Variants in MIGA2 observed in about 807,000 individuals in gnomAD.
The protein encoded by MIGA2 is mitoguardin 2, also known as family with sequence similarity 73, member B.
In MIGA2, 36 loss-of-function variants were observed where a neutral mutation model predicts 69.9. The ratio of observed to expected loss-of-function variants is 0.52; its 90% confidence interval spans 0.39 to 0.68. MIGA2 has a LOEUF of 0.68. MIGA2 is among the 30% of genes least tolerant of loss of function. MIGA2 has a pLI of 0.00. For missense variants in MIGA2, 660 were observed against 787.7 expected, an observed-to-expected ratio of 0.84 and a Z score of 1.94; for synonymous variants, 333 against 349.2, an observed-to-expected ratio of 0.95 and a Z score of 0.52.
rs561727914 is a variant in MIGA2, at chr9:129,056,708, G to A, written c.676-2446G>A. On this transcript the variant is annotated intron_variant, in intron 6 of 15. Coordinates refer to ENST00000684074, the MANE Select transcript of MIGA2 (RefSeq NM_001329990.2). ...TAATTTTTGTGTTTTTAGTAGAGAC[G>A]GGTTTTCACCAAGTAGACCAGGCTG... 3.3e-5 allele frequency among the ~76,000 whole-genome samples: 5 copies of A among 151,988 alleles called. No homozygotes were observed. The East Asian group carries it at 5.8e-4, about 18-fold the overall frequency.
chr9:129,049,324 C>G, intron 4 of MIGA2, 57 bp from the exon 5 acceptor site: 1 of 1,546,228 alleles, frequency 6.5e-7, no homozygotes, highest in African/African-American at 1.4e-5. Context: ...CTCAGGGGGG[C>G]CCTGCAGAGA....
At chr9:129,045,614 A>G (rs1156385935) in intron 3 of MIGA2, among the ~76,000 whole-genome samples, 6 of 151,832 alleles carry the variant, frequency 4.0e-5, no homozygotes, top group Non-Finnish European at 7.4e-5. Context: ...TTTTTTAAAA[A>G]GAGAAAGAAC....
At chr9:129,063,170 C>T in intron 9 of MIGA2, 74 bp from the exon 10 acceptor site, 1 of 1,515,418 alleles carries the variant, frequency 6.6e-7, no homozygotes, top group Non-Finnish European at 9.1e-7. Flanking sequence ...CCTCCCCACC[C>T]AGGTGCCACC....
At chr9:129,044,082 C>G (rs550493427) in intron 3 of MIGA2, among the ~76,000 whole-genome samples, 8 of 150,596 alleles carry the variant, frequency 5.3e-5, no homozygotes. Context: ...TAGCCTCTGC[C>G]TTCCGGTTTC....
intron 6 of MIGA2, among the ~76,000 whole-genome samples, chr9:129,055,684 CT>C (rs1372274869): frequency 1.3e-5 from 2 of 151,940 alleles, no homozygotes; most frequent in Non-Finnish European, 2.9e-5. Context: ...CCCGTCTCTA[CT>C]AAAAATACAA....
rs1256578661 is a variant in MIGA2, at chr9:129,068,293, C to G, written c.1365C>G (p.Val455=). Residue 455 remains valine (V), a synonymous_variant, in exon 13 of 16, where the codon GTC becomes GTG. Transcript: ENST00000684074. The surrounding 1 kb of genome is among the most constrained non-coding windows in gnomAD (Gnocchi z 4.1). ...LENPPASVLA[V]LRNRWLSDSF... is the part of the protein sequence containing the mutation. ...ACCCTCCGGCCTCGGTGCTCGCCGT[C>G]CTGCGGAACCGCTGGCTGTCAGACA... The G allele has an allele frequency of 6.2e-7, 1 of 1,610,444 alleles. No individual in the cohort carries two copies.
At chr9:129,063,655 G>GT in intron 11 of MIGA2, 24 bp downstream of exon 11, 1 of 645,746 alleles carries the variant, frequency 1.5e-6, no homozygotes, top group Non-Finnish European at 2.9e-6. Flanking sequence ...GGGTGGGGGG[G>GT]CAAATTATAA....
Position 129,071,064 on chromosome 9 carries a change from T to C in MIGA2, c.*611T>C, listed in dbSNP as rs1846651229. The C allele has an allele frequency of 6.6e-6, 1 of 152,636 alleles. No homozygotes were observed. The highest frequency in any genetic ancestry group is 1.5e-5 in the Non-Finnish European group (1 of 68,136). 9.5% of individuals were successfully genotyped at this position (152,636 alleles called of 1,614,324 possible). On this transcript the variant is annotated 3_prime_UTR_variant, in exon 16 of 16. Coordinates refer to ENST00000684074, the MANE Select transcript of MIGA2 (RefSeq NM_001329990.2). ...GGGCCCTTGACAGTGTCCTTTGACA[T>C]TCCCTCGCCCTACCAAAGATCGTCT...
At chr9:129,056,512 A>G (rs1223347945) in intron 6 of MIGA2, among the ~76,000 whole-genome samples, 4 of 151,876 alleles carry the variant, frequency 2.6e-5, no homozygotes, top group Non-Finnish European at 5.9e-5. Context: ...TAAATACTGT[A>G]ATAATGACTT....
chr9:129,066,664 AAAAAAAAAAG>A (rs1846363738), intron 11 of MIGA2, among the ~76,000 whole-genome samples: 1 of 132,674 alleles, frequency 7.5e-6, no homozygotes, highest in Admixed American at 7.8e-5. Context: ...ACCAAAAAAA[AAAAAAAAAAG>A]AAAGGCTGGG....
chr9:129,042,530 T>G lies in MIGA2; in HGVS notation c.307+16T>G, dbSNP rs376486842. Reference sequence around the variant, plus strand: ...GTGAAGAAAGGTAGGTGTGAGGTGGTGGGCATAGGCCTGACCTGAGGTCAC... The same window carrying G: ...GTGAAGAAAGGTAGGTGTGAGGTGGGGGGCATAGGCCTGACCTGAGGTCAC... On this transcript the variant is annotated intron_variant, in intron 3 of 15. Transcript: ENST00000684074. The G allele has an allele frequency of 9.2e-5, 142 of 1,546,794 alleles. No homozygotes were observed. The African/African-American group carries it at 1.4e-3, about 15-fold the overall frequency.
chr9:129,049,439 G>C lies in MIGA2; in HGVS notation c.479G>C (p.Arg160Thr), dbSNP rs751268279. 75 of 1,613,430 alleles carry C rather than the reference G, an allele frequency of 4.6e-5. 2 individuals are homozygous for C. In the South Asian group the frequency reaches 7.3e-4, roughly 16 times the overall value. ...GCGTGCTCGGGACTATGGGATGCCA[G>C]AGGGATGGAGGAGTCTCTGACCACC... is the stretch of plus-strand genomic sequence containing the variant. ...TAACSGLWDA[R>T]GMEESLTTSD... Residue 160 changes from arginine to threonine, a missense_variant, in exon 5 of 16, where the codon AGA (arginine) becomes ACA (threonine). Physicochemically the swap from Arg to Thr is moderately conservative, Grantham distance 71 (BLOSUM62 -1). Around this residue, in one of 3 missense-constraint regions of MIGA2, gnomAD observed 386 missense variants for 402.0 expected, o/e 0.96. Coordinates refer to ENST00000684074, the MANE Select transcript of MIGA2 (RefSeq NM_001329990.2).
Position 129,059,386 on chromosome 9 carries a change from C to T in MIGA2, c.793+115C>T, listed in dbSNP as rs1845952046. 2.6e-6 allele frequency: 2 copies of T among 779,654 alleles called. No individual in the cohort carries two copies. Among genetic ancestry groups the T allele is most frequent in the Non-Finnish European group, 4.2e-6 (2 of 471,898 alleles). The allele number at this position is 779,654 out of a possible 1,614,324, so 48.3% of individuals were successfully genotyped here. ...TCAGTGCGTCCAATGAATCAGAATC[C>T]CCAGGGCTCTCCGACCTCGCGTGAT... is the stretch of plus-strand genomic sequence containing the variant. On this transcript the variant is annotated intron_variant, in intron 7 of 15. Coordinates refer to ENST00000684074, the MANE Select transcript of MIGA2 (RefSeq NM_001329990.2). The surrounding 1 kb of genome is among the most constrained non-coding windows in gnomAD (Gnocchi z 5.6).
intron 1 of MIGA2, chr9:129,037,071 A>G (rs1277767560): frequency 3.0e-6 from 3 of 1,000,712 alleles, no homozygotes; most frequent in African/African-American, 3.5e-5. Flanking sequence ...GCTGCCCAAG[A>G]TGCCTGGGGT....
intron 1 of MIGA2, among the ~76,000 whole-genome samples, chr9:129,039,423 T>A (rs1056563156): frequency 7.9e-5 from 12 of 151,874 alleles, no homozygotes; most frequent in Non-Finnish European, 1.6e-4. Context: ...TTTTTTGTAT[T>A]TTTAGTAGAG....
chr9:129,059,952 G>A lies in MIGA2; in HGVS notation c.794-598G>A, dbSNP rs3814496. On this transcript the variant is annotated intron_variant, in intron 7 of 15. Transcript: ENST00000684074. The surrounding 1 kb of genome is among the most constrained non-coding windows in gnomAD (Gnocchi z 5.6). ...TCTGGGTGTGGTTTCTCTGTTGGAGGAATCTGCCTCCTCTGGCCTCCCTAC... is the reference window on the plus strand; with the variant it reads ...TCTGGGTGTGGTTTCTCTGTTGGAGAAATCTGCCTCCTCTGGCCTCCCTAC... Among the ~76,000 whole-genome samples, 70 of 152,266 alleles carry A rather than the reference G, an allele frequency of 4.6e-4. 1 individual carries two copies. The East Asian group carries it at 0.011, about 24-fold the overall frequency.
At chr9:129,057,696 C>T (rs1202390391) in intron 6 of MIGA2, among the ~76,000 whole-genome samples, 2 of 152,000 alleles carry the variant, frequency 1.3e-5, no homozygotes, top group East Asian at 3.9e-4. Flanking sequence ...CCTCAACCTC[C>T]CTGGGCTCAC....
At chr9:129,065,108 TTA>T (rs1246264951) in intron 11 of MIGA2, among the ~76,000 whole-genome samples, 1 of 151,220 alleles carries the variant, frequency 6.6e-6, no homozygotes, top group Non-Finnish European at 1.5e-5. Context: ...TTTTTAAACT[TTA>T]TTATGAAATA....
intron 11 of MIGA2, 121 bp from the exon 12 acceptor site, chr9:129,067,652 C>A: frequency 1.2e-6 from 1 of 838,774 alleles, no homozygotes; most frequent in Non-Finnish European, 1.9e-6. Flanking sequence ...GCCACGTTTT[C>A]TCTGTGCCTG....
Sources: gnomAD v4.1 joint callset for allele counts (sites outside exome capture counted in the v4.1 genomes callset) on GRCh38, gnomAD v4.1.1 for gene constraint, gnomAD v4.1.1 regional missense constraint, Gnocchi (gnomAD v3.1) non-coding constraint, MANE v1.5 for transcripts, NCBI Gene and HGNC (gene_info 2026-07-23, HGNC 2026-07-21) for gene names.